GET3: variants seen among roughly 807,000 people sequenced by gnomAD.
GET3 encodes ATPase GET3.
Under a neutral mutation model 32.4 loss-of-function variants are expected in GET3, and 15 were observed. The observed-to-expected ratio is 0.46, with a 90% CI of 0.31 to 0.71. The LOEUF is 0.71. Ranked by LOEUF, GET3 falls within the 30% of genes least tolerant of loss-of-function variation. The pLI is 0.05. For synonymous variants in GET3, 198 were observed against 185.6 expected (o/e 1.07, Z -0.54); for missense variants, 333 against 459.0 (o/e 0.73, Z 2.51).
rs1967800280 is a variant in GET3 at position 12,747,694 on chromosome 19, C to T, written c.915+102C>T. 2 of 1,372,594 alleles carry T rather than the reference C, an allele frequency of 1.5e-6. No individual in the cohort carries two copies. The highest frequency in any genetic ancestry group is 4.4e-5 in the Admixed American group (2 of 45,538). The allele number at this position is 1,372,594 out of a possible 1,614,324, so 85.0% of individuals were successfully genotyped here. ...TGGCCCTCTGCCCTCTAGCCTCCTG[C>T]CCTTTGCCCCCACATTTCAGATCCT... On this transcript the variant is annotated intron_variant, in intron 6 of 6. Transcript: ENST00000357332. This position sits in a 1 kb window ranked among gnomAD's most constrained non-coding sequence, Gnocchi z 4.0.
chr19:12,741,081 C>T lies in GET3; in HGVS notation c.309+2423C>T, dbSNP rs143344415. 2.3e-3 allele frequency among the ~76,000 whole-genome samples: 346 copies of T among 151,668 alleles called. 1 individual carries two copies. The highest frequency in any genetic ancestry group is 8.1e-3 in the African/African-American group (335 of 41,356). ...GCTCATGCCTGTAATCCCAGCACTT[C>T]GGGAGGCTGAGGCAGGTGGATCAGA... On this transcript the variant is annotated intron_variant, in intron 2 of 6. Coordinates refer to ENST00000357332, the MANE Select transcript of GET3 (RefSeq NM_004317.4).
At chr19:12,739,986 T>A (rs999835435) in intron 2 of GET3, among the ~76,000 whole-genome samples, 4 of 151,284 alleles carry the variant, frequency 2.6e-5, no homozygotes, top group African/African-American at 9.7e-5. Context: ...GCAGAGATTC[T>A]CCTGCCTCAG....
chr19:12,737,388 A>T, upstream of GET3: 1 of 1,254,986 alleles, frequency 8.0e-7, no homozygotes, highest in Non-Finnish European at 1.0e-6. Context: ...TTCTCCTAAA[A>T]GGCAAGTAAT....
chr19:12,741,432 G>A (rs1370700813), intron 2 of GET3, among the ~76,000 whole-genome samples: 1 of 148,234 alleles, frequency 6.7e-6, no homozygotes. Flanking sequence ...CTCCAGCGTG[G>A]GTGACAGAGC....
Position 12,747,327 on chromosome 19 carries a change from G to T in GET3, c.717+23G>T, listed in dbSNP as rs1350954044. The T allele has an allele frequency of 1.2e-6, 2 of 1,609,554 alleles. No homozygotes were observed. Among genetic ancestry groups the T allele is most frequent in the African/African-American group, 1.3e-5 (1 of 74,966 alleles). Reference sequence around the variant, plus strand: ...CCTGTGAGTGGTGGTCTGGCTGGCGGTGAGAGGCCCGGGGGCTGAGGACAG... The same window carrying T: ...CCTGTGAGTGGTGGTCTGGCTGGCGTTGAGAGGCCCGGGGGCTGAGGACAG... On this transcript the variant is annotated intron_variant, in intron 5 of 6. Coordinates refer to ENST00000357332, the MANE Select transcript of GET3 (RefSeq NM_004317.4). This position sits in a 1 kb window ranked among gnomAD's most constrained non-coding sequence, Gnocchi z 4.0.
chr19:12,743,126 T>A (rs1967700275), intron 2 of GET3, among the ~76,000 whole-genome samples: 2 of 152,128 alleles, frequency 1.3e-5, no homozygotes, highest in Admixed American at 1.3e-4. Context: ...GCGAGTTGGG[T>A]ACTTCCCCAT....
Position 12,737,515 on chromosome 19 carries a change from G to T in GET3, c.10G>T (p.Gly4Trp). ...GTGAGCCAGTTCCAAAATGGCGGCA[G>T]GGGTGGCCGGGTGGGGGGTTGAGGC... MAAGVAGWGVEAEE... is the reference protein window; with the variant it reads MAAWVAGWGVEAEE... Residue 4 changes from glycine (G) to tryptophan (W), a missense_variant, in exon 1 of 7, where the codon GGG (glycine) becomes TGG (tryptophan). Transcript: ENST00000357332. 6.4e-7 allele frequency: 1 copy of T among 1,557,898 alleles called. No individual in the cohort carries two copies. Among genetic ancestry groups the T allele is most frequent in the Non-Finnish European group, 8.7e-7 (1 of 1,154,098 alleles).
At chr19:12,741,373 G>A (rs144496633) in intron 2 of GET3, among the ~76,000 whole-genome samples, 3,150 of 150,548 alleles carry the variant, frequency 0.021, 102 homozygotes, top group African/African-American at 0.072. Flanking sequence ...GGAGAATGGC[G>A]TGAACGCGGG....
chr19:12,737,589 T>G lies in GET3; in HGVS notation c.84T>G (p.Leu28=). The change falls in exon 1 of 7, where the codon CTT becomes CTG. Residue 28 remains leucine (L), a synonymous_variant. Coordinates refer to ENST00000357332, the MANE Select transcript of GET3 (RefSeq NM_004317.4). ...APDVEPLEPT[L]SNIIEQRSLK... ...ATGTGGAGCCGCTGGAGCCTACACTTAGCAACATCATCGAGCAGCGCAGCC... is the reference window on the plus strand; with the variant it reads ...ATGTGGAGCCGCTGGAGCCTACACTGAGCAACATCATCGAGCAGCGCAGCC... 1 of 1,612,354 alleles carries G rather than the reference T, an allele frequency of 6.2e-7. No individual in the cohort carries two copies. Among genetic ancestry groups the G allele is most frequent in the Non-Finnish European group, 8.5e-7 (1 of 1,179,426 alleles).
rs1249940807 is a variant in GET3, at chr19:12,737,532, G to T, written c.27G>T (p.Gly9=). 4 of 1,580,550 alleles carry T rather than the reference G, an allele frequency of 2.5e-6. No individual in the cohort carries two copies. The highest frequency in any genetic ancestry group is 1.7e-6 in the Non-Finnish European group (2 of 1,164,778). Residue 9 remains glycine, a synonymous_variant, in exon 1 of 7, where the codon GGG becomes GGT. Transcript: ENST00000357332. The part of the protein sequence containing the change: MAAGVAGW[G]VEAEEFEDAP... ...TGGCGGCAGGGGTGGCCGGGTGGGG[G>T]GTTGAGGCAGAGGAGTTCGAAGATG...
Position 12,748,211 on chromosome 19 carries a change from A to G in GET3, c.*107A>G. ...TCCCCCCCATAATACAGGGGGAGCC[A>G]CTTGGGCAGGAGGCAGGGAGGGGTC... On this transcript the variant is annotated 3_prime_UTR_variant, in exon 7 of 7. Transcript: ENST00000357332. 1 of 1,112,126 alleles carries G rather than the reference A, an allele frequency of 9.0e-7. No individual in the cohort carries two copies. The highest frequency in any genetic ancestry group is 1.2e-6 in the Non-Finnish European group (1 of 828,870). 68.9% of individuals were successfully genotyped at this position (1,112,126 alleles called of 1,614,324 possible).
chr19:12,747,153 G>T lies in GET3; in HGVS notation c.610-44G>T. The stretch of plus-strand genomic sequence containing the variant: ...GTTTAGTGAACCCCCAACCCAGGAG[G>T]TCGCCGCAGGTAAGCTATGAGCCCT... On this transcript the variant is annotated intron_variant, in intron 4 of 6. Transcript: ENST00000357332. The surrounding 1 kb of genome is among the most constrained non-coding windows in gnomAD (Gnocchi z 4.0). The T allele has an allele frequency of 6.6e-7, 1 of 1,522,450 alleles. No homozygotes were observed. The highest frequency in any genetic ancestry group is 8.9e-7 in the Non-Finnish European group (1 of 1,128,982). 94.3% of individuals were successfully genotyped at this position (1,522,450 alleles called of 1,614,324 possible).
intron 1 of GET3, among the ~76,000 whole-genome samples, chr19:12,738,201 G>A (rs1250759334): frequency 6.6e-6 from 1 of 152,090 alleles, no homozygotes; most frequent in Non-Finnish European, 1.5e-5. Context: ...AAGGGGGCAC[G>A]GAGTCAAGCT....
intron 2 of GET3, among the ~76,000 whole-genome samples, chr19:12,741,193 A>G (rs1213700304): frequency 6.6e-6 from 1 of 152,150 alleles, no homozygotes; most frequent in African/African-American, 2.4e-5. Context: ...ATGGTGGCTC[A>G]CGCCTGTAAT....
chr19:12,745,981 GA>G lies in GET3; in HGVS notation c.609+225del, dbSNP rs1281431347. ...CCGCTAAATACCCTAGACAGAGCCA[GA>G]AAGCACATTCCAGAACCAGGCAACC... On this transcript the variant is annotated intron_variant, in intron 4 of 6. Coordinates refer to ENST00000357332, the MANE Select transcript of GET3 (RefSeq NM_004317.4). This position sits in a 1 kb window ranked among gnomAD's most constrained non-coding sequence, Gnocchi z 5.0. 2.6e-5 allele frequency among the ~76,000 whole-genome samples: 4 copies of G among 152,176 alleles called. No individual in the cohort carries two copies. The highest frequency in any genetic ancestry group is 9.7e-5 in the African/African-American group (4 of 41,438).
Position 12,748,117 on chromosome 19 carries a change from C to A in GET3, c.*13C>A, listed in dbSNP as rs1172354303. On this transcript the variant is annotated 3_prime_UTR_variant, in exon 7 of 7. Transcript: ENST00000357332. Reference sequence around the variant, plus strand: ...CAGTGCCCAGTAGCACAGCTGCCAGCCCCAACCGCTGCCATTTCACACTCA... The same window carrying A: ...CAGTGCCCAGTAGCACAGCTGCCAGACCCAACCGCTGCCATTTCACACTCA... The A allele has an allele frequency of 1.9e-6, 3 of 1,568,754 alleles. No individual in the cohort carries two copies. Among genetic ancestry groups the A allele is most frequent in the East Asian group, 2.3e-5 (1 of 43,936 alleles).
chr19:12,741,812 C>T (rs570247973), intron 2 of GET3, among the ~76,000 whole-genome samples: 3 of 151,090 alleles, frequency 2.0e-5, no homozygotes, highest in East Asian at 3.9e-4. Context: ...CCCAGATACT[C>T]GGGAGGCTGA....
chr19:12,743,586 C>CAA (rs1568348908), intron 2 of GET3, among the ~76,000 whole-genome samples: 2 of 151,262 alleles, frequency 1.3e-5, no homozygotes, highest in Non-Finnish European at 3.0e-5. Context: ...GTCAGGAGAT[C>CAA]GCCACCATCC....
At position 12,740,007 on chromosome 19, in the gene GET3, T is replaced by C. The variant is rs1032862056; in HGVS notation, c.309+1349T>C. On this transcript the variant is annotated intron_variant, in intron 2 of 6. Coordinates refer to ENST00000357332, the MANE Select transcript of GET3 (RefSeq NM_004317.4). Reference sequence around the variant, plus strand: ...ATTCTCCTGCCTCAGCCTCCGGAGTTGCTGGGATTACAGGTGCCTACCACC... The same window carrying C: ...ATTCTCCTGCCTCAGCCTCCGGAGTCGCTGGGATTACAGGTGCCTACCACC... Among the ~76,000 whole-genome samples, 3 of 151,836 alleles carry C rather than the reference T, an allele frequency of 2.0e-5. No individual in the cohort carries two copies. In the East Asian group the frequency reaches 5.9e-4, roughly 30 times the overall value.
Sources: allele counts gnomAD v4.1 joint callset (sites outside exome capture counted in the v4.1 genomes callset), GRCh38; gene constraint gnomAD v4.1.1; non-coding constraint Gnocchi (gnomAD v3.1); transcripts MANE v1.5; gene names NCBI Gene and HGNC (gene_info 2026-07-23, HGNC 2026-07-21).